Variants in CSMD1 observed in about 807,000 individuals in gnomAD.
CSMD1 encodes the protein CUB and Sushi multiple domains 1.
CSMD1 carries 213 observed loss-of-function variants against 417.5 expected under a neutral mutation model. The ratio of observed to expected loss-of-function variants is 0.51; its 90% CI spans 0.46 to 0.57. The LOEUF is 0.57. Ranked by LOEUF, CSMD1 falls within the 20% of genes least tolerant of loss-of-function variation. The probability of loss-of-function intolerance (pLI) is 0.00; values close to 1 mark genes in which losing one functional copy is unlikely to be tolerated. For missense variants in CSMD1, 6,923 were observed against 4,529.7 expected (o/e 1.53, Z -15.17); for synonymous variants, 2,862 against 1,736.8 (o/e 1.65, Z -16.11).
intron 7 of CSMD1, among the ~76,000 whole-genome samples, chr8:3,675,267 G>A (rs879771126): frequency 6.6e-6 from 1 of 152,144 alleles, no homozygotes; most frequent in Non-Finnish European, 1.5e-5. Context: ...GCATGTGCGT[G>A]CCATTCCCCT....
At chr8:3,982,239 C>T (rs1460299489) in intron 5 of CSMD1, among the ~76,000 whole-genome samples, 1 of 150,170 alleles carries the variant, frequency 6.7e-6, no homozygotes, top group Admixed American at 6.6e-5. Flanking sequence ...TAACTACAAT[C>T]TGAGCTAAAA....
At chr8:4,367,220 T>C (rs1485652533) in intron 3 of CSMD1, among the ~76,000 whole-genome samples, 1 of 152,192 alleles carries the variant, frequency 6.6e-6, no homozygotes, top group Non-Finnish European at 1.5e-5. Context: ...TTATTTTTTG[T>C]ATGTGGTGTA....
intron 1 of CSMD1, among the ~76,000 whole-genome samples, chr8:4,668,231 C>G (rs1479921564): frequency 6.6e-6 from 1 of 151,876 alleles, no homozygotes; most frequent in African/African-American, 2.4e-5. Flanking sequence ...GATAATGGGG[C>G]ATTCCGTTGA....
At chr8:4,450,890 T>C (rs141122318) in intron 2 of CSMD1, among the ~76,000 whole-genome samples, 2 of 152,138 alleles carry the variant, frequency 1.3e-5, no homozygotes, top group Admixed American at 1.3e-4. Context: ...CAGATTGCGC[T>C]AATATAAAAA....
Position 4,731,658 on chromosome 8 carries a change from T to C in CSMD1, c.86-94100A>G, listed in dbSNP as rs557142907. On this transcript the variant is annotated intron_variant, in intron 1 of 69. Coordinates refer to ENST00000635120, the MANE Select transcript of CSMD1 (RefSeq NM_033225.6). ...GAAAGGTGGGAATGCACACTTTGCA[T>C]GAGTATCATTTGGAAACTGAAGACT... is the stretch of plus-strand genomic sequence containing the variant. 3.9e-5 allele frequency among the ~76,000 whole-genome samples: 6 copies of C among 152,304 alleles called. 1 individual carries two copies. In the East Asian group the frequency reaches 1.2e-3, roughly 29 times the overall value.
chr8:4,700,522 C>A (rs1807457138), intron 1 of CSMD1, among the ~76,000 whole-genome samples: 1 of 151,984 alleles, frequency 6.6e-6, no homozygotes, highest in Admixed American at 6.6e-5. Context: ...GAAAAGGTGT[C>A]TAATAGAGAG....
chr8:4,113,019 A>G (rs370843238), intron 3 of CSMD1, among the ~76,000 whole-genome samples: 7 of 152,298 alleles, frequency 4.6e-5, no homozygotes, highest in South Asian at 2.1e-4. Flanking sequence ...TCAGTGGTCA[A>G]TGATCCTTGA....
chr8:3,984,816 C>G (rs766060206), intron 5 of CSMD1, among the ~76,000 whole-genome samples: 2 of 139,262 alleles, frequency 1.4e-5, no homozygotes, highest in Admixed American at 7.6e-5. Context: ...ACACAAAAAA[C>G]TAGAGGGAAT....
chr8:3,609,268 C>G (rs1436064316), intron 8 of CSMD1, among the ~76,000 whole-genome samples: 2 of 152,160 alleles, frequency 1.3e-5, no homozygotes, highest in African/African-American at 4.8e-5. Flanking sequence ...ACAGTACCCA[C>G]CCATAAATTC....
intron 3 of CSMD1, among the ~76,000 whole-genome samples, chr8:4,325,017 G>A (rs972783436): frequency 6.6e-6 from 1 of 152,110 alleles, no homozygotes; most frequent in Admixed American, 6.6e-5. Flanking sequence ...CACTCATTGA[G>A]TGAGTGCTGC....
At chr8:4,418,708 C>A (rs1237298) in intron 3 of CSMD1, among the ~76,000 whole-genome samples, 25,034 of 152,062 alleles carry the variant, frequency 0.16, 2,747 homozygotes, top group African/African-American at 0.32. Flanking sequence ...ACATTGATAT[C>A]ATCAATGATA....
At chr8:3,323,431 G>T (rs553229501) in intron 23 of CSMD1, among the ~76,000 whole-genome samples, 2 of 151,526 alleles carry the variant, frequency 1.3e-5, no homozygotes, top group Non-Finnish European at 2.9e-5. Flanking sequence ...AGCCAGAAAC[G>T]CTGGTCCATT....
chr8:3,539,911 T>A (rs545277698), intron 10 of CSMD1, among the ~76,000 whole-genome samples: 3 of 152,312 alleles, frequency 2.0e-5, no homozygotes, highest in African/African-American at 7.2e-5. Flanking sequence ...TTAGACACAA[T>A]TGCTTCATGG....
intron 25 of CSMD1, among the ~76,000 whole-genome samples, chr8:3,289,572 G>T (rs1453009721): frequency 1.0e-5 from 1 of 99,304 alleles, no homozygotes; most frequent in Non-Finnish European, 2.4e-5. Flanking sequence ...TTCTCTGATG[G>T]CCGGTGATGA....
intron 1 of CSMD1, among the ~76,000 whole-genome samples, chr8:4,881,891 G>GA (rs1419702769): frequency 6.6e-6 from 1 of 151,996 alleles, no homozygotes; most frequent in African/African-American, 2.4e-5. Context: ...TGAGGCAGGG[G>GA]AAAAACATTG....
In CSMD1 at chr8:3,146,679, T is replaced by G. The variant is rs554594846; in HGVS notation, c.6032-4005A>C. Among the ~76,000 whole-genome samples, 3 of 152,240 alleles carry G rather than the reference T, an allele frequency of 2.0e-5. No homozygotes were observed. The South Asian group carries it at 6.2e-4, about 32-fold the overall frequency. On this transcript the variant is annotated intron_variant, in intron 40 of 69. Transcript: ENST00000635120. ...GAGGGACAGGCTGTGTGGGTCACTG[T>G]CCCGCAGTAGGTCACTGTCGGTTAC...
intron 1 of CSMD1, among the ~76,000 whole-genome samples, chr8:4,956,688 A>C (rs1481771442): frequency 6.6e-6 from 1 of 152,186 alleles, no homozygotes; most frequent in East Asian, 1.9e-4. Context: ...ATATTCACTC[A>C]CTTACAGTAT....
chr8:3,970,382 A>G (rs924177584), intron 5 of CSMD1, among the ~76,000 whole-genome samples: 1 of 152,214 alleles, frequency 6.6e-6, no homozygotes, highest in Non-Finnish European at 1.5e-5. Flanking sequence ...ACCAAACAGT[A>G]AATCTGAAAC....
intron 43 of CSMD1, 50 bp downstream of exon 43, chr8:3,110,108 A>G: frequency 6.9e-7 from 1 of 1,457,122 alleles, no homozygotes; most frequent in African/African-American, 1.4e-5. Flanking sequence ...ATGCTAAGTC[A>G]GAATTGTTGA....
Sources: allele counts gnomAD v4.1 joint callset (sites outside exome capture counted in the v4.1 genomes callset), GRCh38; gene constraint gnomAD v4.1.1; transcripts MANE v1.5; gene names NCBI Gene and HGNC (gene_info 2026-07-23, HGNC 2026-07-21).